Variants in ZNF423 observed in about 807,000 individuals in gnomAD.
The protein encoded by ZNF423 is zinc finger protein 423.
ZNF423 carries 12 observed loss-of-function variants against 95.8 expected under a neutral mutation model. That is an observed-to-expected ratio of 0.13 (90% CI 0.08 to 0.20). The LOEUF is 0.20. Ranked by LOEUF, ZNF423 falls within the 10% of genes least tolerant of loss-of-function variation. The pLI is 1.00. For synonymous variants in ZNF423, 749 were observed against 711.9 expected (o/e 1.05, Z -0.83); for missense variants, 1,316 against 1,737.1 (o/e 0.76, Z 4.31).
At chr16:49,783,144 T>C (rs911940532) in intron 2 of ZNF423, among the ~76,000 whole-genome samples, 2 of 151,720 alleles carry the variant, frequency 1.3e-5, no homozygotes, top group East Asian at 3.9e-4. Context: ...AAAGGGCTTG[T>C]GGGAAGAGGG....
intron 1 of ZNF423, among the ~76,000 whole-genome samples, chr16:49,831,576 G>A (rs2035061316): frequency 6.6e-6 from 1 of 152,200 alleles, no homozygotes; most frequent in South Asian, 2.1e-4. Flanking sequence ...GAAACTCCCA[G>A]TGACTTCCCA....
Position 49,710,701 on chromosome 16 carries a change from C to T in ZNF423, c.301+20070G>A, listed in dbSNP as rs185237288. ...ACTCCACAAAAAGTCAAACAGGTGT[C>T]CAGCCTTAAGGAACCCACCTGGGGA... On this transcript the variant is annotated intron_variant, in intron 3 of 7. Coordinates refer to ENST00000563137, the MANE Select transcript of ZNF423 (RefSeq NM_001379286.1). 7.5e-4 allele frequency among the ~76,000 whole-genome samples: 114 copies of T among 152,296 alleles called. 1 individual carries two copies. Among genetic ancestry groups the T allele is most frequent in the Non-Finnish European group, 2.8e-4 (19 of 68,032 alleles).
intron 3 of ZNF423, among the ~76,000 whole-genome samples, chr16:49,722,757 A>G (rs1184737362): frequency 2.0e-5 from 3 of 152,096 alleles, no homozygotes; most frequent in African/African-American, 7.2e-5. Context: ...AGCACCTACT[A>G]TGTGTTCTAG....
chr16:49,651,209 A>G (rs148348946), intron 3 of ZNF423, among the ~76,000 whole-genome samples: 2 of 130,838 alleles, frequency 1.5e-5, no homozygotes, highest in East Asian at 4.4e-4. Context: ...TTTTTTTTGT[A>G]GAGACAGGGT....
rs117627179 is a variant in ZNF423, at chr16:49,717,540, A to G, written c.301+13231T>C. Among the ~76,000 whole-genome samples, 29 of 152,340 alleles carry G rather than the reference A, an allele frequency of 1.9e-4. No homozygotes were observed. The East Asian group carries it at 5.6e-3, about 29-fold the overall frequency. On this transcript the variant is annotated intron_variant, in intron 3 of 7. Transcript: ENST00000563137. The stretch of plus-strand genomic sequence containing the variant: ...AGAGCACTTGACTTGACCTGAGCCA[A>G]AAGCCATCATGGCATTCCTCAGAGC...
At chr16:49,548,066 G>C (rs1041725325) in intron 5 of ZNF423, among the ~76,000 whole-genome samples, 7 of 152,194 alleles carry the variant, frequency 4.6e-5, no homozygotes, top group African/African-American at 1.7e-4. Context: ...AGTTGAGAGA[G>C]GAGGGGTGAT....
At chr16:49,523,563 G>A (rs980509421) in intron 7 of ZNF423, 61 bp downstream of exon 7, 51 of 1,436,774 alleles carry the variant, frequency 3.5e-5, no homozygotes, top group African/African-American at 5.6e-5. Context: ...TGAGACCGTC[G>A]GTGCTGACGG....
Position 49,635,700 on chromosome 16 carries a change from C to G in ZNF423, c.3476G>C (p.Ser1159Thr). The G allele has an allele frequency of 6.3e-7, 1 of 1,598,148 alleles. No homozygotes were observed. Among genetic ancestry groups the G allele is most frequent in the East Asian group, 2.2e-5 (1 of 44,718 alleles). ...VDHRDLTPETSGPRKGTQTSP... is the reference protein window; with the variant it reads ...VDHRDLTPETTGPRKGTQTSP... ...TGTCTGGGTGCCTTTCCGGGGCCCA[C>G]TGGTCTCCGGCGTGAGGTCACGGTG... Residue 1159 changes from serine to threonine, a missense_variant, in exon 4 of 8, where the codon AGT (serine) becomes ACT (threonine). This residue lies in a region of ZNF423 where 620 missense variants were observed against 775.6 expected (regional missense o/e 0.80). Coordinates refer to ENST00000563137, the MANE Select transcript of ZNF423 (RefSeq NM_001379286.1). The surrounding 1 kb of genome is among the most constrained non-coding windows in gnomAD (Gnocchi z 4.8).
At chr16:49,795,618 C>T (rs529381837) in intron 1 of ZNF423, among the ~76,000 whole-genome samples, 4 of 152,194 alleles carry the variant, frequency 2.6e-5, no homozygotes, top group African/African-American at 7.2e-5. Flanking sequence ...AGTAGCCCTG[C>T]GAGGAGCTCC....
chr16:49,858,246 C>A (rs1190695793), upstream of ZNF423, among the ~76,000 whole-genome samples: 3 of 149,274 alleles, frequency 2.0e-5, no homozygotes, highest in Non-Finnish European at 4.5e-5. This position sits in a 1 kb window ranked among gnomAD's most constrained non-coding sequence, Gnocchi z 4.3. Context: ...CGGGCCGCGG[C>A]GCCCGCCCCA....
At chr16:49,535,701 C>G (rs1370196654) in intron 5 of ZNF423, among the ~76,000 whole-genome samples, 1 of 152,174 alleles carries the variant, frequency 6.6e-6, no homozygotes, top group Non-Finnish European at 1.5e-5. Context: ...CACACATCCC[C>G]TTTTACCTGT....
At chr16:49,766,762 AG>A (rs1181471083) in intron 2 of ZNF423, among the ~76,000 whole-genome samples, 2 of 152,204 alleles carry the variant, frequency 1.3e-5, no homozygotes, top group Non-Finnish European at 2.9e-5. Context: ...GGTCCCTCAG[AG>A]GCCAGGCTCA....
chr16:49,753,539 G>C (rs1357928561), intron 2 of ZNF423, among the ~76,000 whole-genome samples: 2 of 151,588 alleles, frequency 1.3e-5, no homozygotes, highest in Admixed American at 1.3e-4. Context: ...GGAGTTAGAG[G>C]CTGCAGCGAG....
chr16:49,831,841 T>G (rs1180047866), intron 1 of ZNF423, among the ~76,000 whole-genome samples: 2 of 149,392 alleles, frequency 1.3e-5, no homozygotes, highest in African/African-American at 2.5e-5. Flanking sequence ...AAAAAAAAAG[T>G]ACAAAAAAAA....
chr16:49,841,806 C>A (rs549932275), intron 1 of ZNF423, among the ~76,000 whole-genome samples: 1 of 152,344 alleles, frequency 6.6e-6, no homozygotes, highest in African/African-American at 2.4e-5. Context: ...CTAAGCCTCA[C>A]CTGAGTCAGA....
In ZNF423 at chr16:49,590,029, A is replaced by AATATATAT. The variant is rs201361462; in HGVS notation, c.3601+36133_3601+36140dup. Among the ~76,000 whole-genome samples the AATATATAT allele has an allele frequency of 2.4e-3, 232 of 97,590 alleles. 28 individuals carry two copies. The East Asian group carries it at 0.025, about 10-fold the overall frequency. 64.0% of individuals were successfully genotyped at this position (97,590 alleles called of 152,430 possible). ...GGGATGGGGTAAAGGGGAAGTGGCG[A>AATATATAT]ATATATATATATATATATATATTTG... On this transcript the variant is annotated intron_variant, in intron 5 of 7. Transcript: ENST00000563137.
chr16:49,626,112 G>T, intron 5 of ZNF423, 58 bp downstream of exon 5: 1 of 1,559,738 alleles, frequency 6.4e-7, no homozygotes. Flanking sequence ...GATTGGAACC[G>T]CAAATTTAAA....
rs185196789 is a variant in ZNF423, at chr16:49,655,068, A to G, written c.302-16194T>C. 1.3e-3 allele frequency among the ~76,000 whole-genome samples: 199 copies of G among 152,364 alleles called. 1 individual carries two copies. The highest frequency in any genetic ancestry group is 4.4e-3 in the African/African-American group (184 of 41,580). Reference sequence around the variant, plus strand: ...TCAGTGATACTCAAATGTTGCAAGAATCACAGTAGAGATATGCAAATGACT... The same window carrying G: ...TCAGTGATACTCAAATGTTGCAAGAGTCACAGTAGAGATATGCAAATGACT... On this transcript the variant is annotated intron_variant, in intron 3 of 7. Transcript: ENST00000563137.
chr16:49,750,048 C>T (rs1219345472), intron 2 of ZNF423, among the ~76,000 whole-genome samples: 2 of 152,214 alleles, frequency 1.3e-5, no homozygotes, highest in East Asian at 3.8e-4. Context: ...CTGCCGTCAG[C>T]CCATACCTTG....
Sources: allele counts gnomAD v4.1 joint callset (sites outside exome capture counted in the v4.1 genomes callset), GRCh38; gene constraint gnomAD v4.1.1; regional missense constraint gnomAD v4.1.1; non-coding constraint Gnocchi (gnomAD v3.1); transcripts MANE v1.5; gene names NCBI Gene and HGNC (gene_info 2026-07-23, HGNC 2026-07-21).